The following AP3S1 variants were observed in gnomAD, a reference collection of about 807,000 sequenced individuals.
AP3S1 encodes AP-3 complex subunit sigma-1.
Under a neutral mutation model 21.3 loss-of-function variants are expected in AP3S1, and 12 were observed. That is an observed-to-expected ratio of 0.56 (90% CI 0.36 to 0.91). The LOEUF is 0.91. Ranked by LOEUF, AP3S1 falls within the 40% of genes least tolerant of loss-of-function variation. The probability of loss-of-function intolerance (pLI) is 0.01; values close to 1 mark genes in which losing one functional copy is unlikely to be tolerated. For missense variants in AP3S1, 116 were observed against 225.0 expected (o/e 0.52, Z 3.10); for synonymous variants, 48 against 78.4 (o/e 0.61, Z 2.05).
chr5:115,895,544 A>G (rs145078397), intron 4 of AP3S1, among the ~76,000 whole-genome samples: 311 of 152,330 alleles, frequency 2.0e-3, no homozygotes, highest in African/African-American at 6.9e-3. Context: ...ACAGAGATAT[A>G]AAATATAGGC....
intron 5 of AP3S1, among the ~76,000 whole-genome samples, chr5:115,911,864 G>A (rs1752138792): frequency 6.6e-6 from 1 of 151,868 alleles, no homozygotes; most frequent in Admixed American, 6.6e-5. Flanking sequence ...ATTTTTAGTT[G>A]TACATCAAAA....
chr5:115,879,104 C>G (rs759284791), intron 3 of AP3S1, among the ~76,000 whole-genome samples: 7 of 152,162 alleles, frequency 4.6e-5, no homozygotes, highest in Non-Finnish European at 7.4e-5. Context: ...TGGGCTGAGA[C>G]TATGGAGTTT....
At chr5:115,904,578 G>T (rs1751484853) in intron 5 of AP3S1, among the ~76,000 whole-genome samples, 1 of 152,064 alleles carries the variant, frequency 6.6e-6, no homozygotes, top group Non-Finnish European at 1.5e-5. Flanking sequence ...TATATGTTTT[G>T]TTTGTCCTAT....
intron 3 of AP3S1, among the ~76,000 whole-genome samples, chr5:115,892,995 A>C (rs758132796): frequency 1.3e-4 from 20 of 152,222 alleles, no homozygotes; most frequent in Non-Finnish European, 2.4e-4. Flanking sequence ...AATTAACTGT[A>C]TATATTAACT....
At chr5:115,862,066 C>G (rs1381282202) in intron 1 of AP3S1, among the ~76,000 whole-genome samples, 1 of 151,914 alleles carries the variant, frequency 6.6e-6, no homozygotes, top group African/African-American at 2.4e-5. Flanking sequence ...TTCCATTGTA[C>G]AATTCCATTC....
At chr5:115,883,720 A>G (rs1749514227) in intron 3 of AP3S1, among the ~76,000 whole-genome samples, 1 of 152,200 alleles carries the variant, frequency 6.6e-6, no homozygotes, top group African/African-American at 2.4e-5. Flanking sequence ...TATCAATCAT[A>G]CCATATTCAA....
chr5:115,853,090 A>T (rs969994861), intron 1 of AP3S1: 1 of 437,236 alleles, frequency 2.3e-6, no homozygotes, highest in Non-Finnish European at 4.6e-6. Flanking sequence ...CATTCCCACC[A>T]ACAATGTCTG....
intron 4 of AP3S1, among the ~76,000 whole-genome samples, chr5:115,899,235 CA>C (rs1751012627): frequency 6.6e-6 from 1 of 152,164 alleles, no homozygotes; most frequent in Non-Finnish European, 1.5e-5. Flanking sequence ...TCTTTAACCA[CA>C]GGCACAGAAC....
chr5:115,861,860 CTTTTCTTTTTTTT>C (rs1162473805), intron 1 of AP3S1, among the ~76,000 whole-genome samples: 3 of 120,124 alleles, frequency 2.5e-5, no homozygotes, highest in Non-Finnish European at 5.1e-5. Context: ...ATTTTCTTTT[CTTTTCTTTTTTTT>C]TTTTTTTTTT....
rs1752261333 is a variant in AP3S1 at position 115,913,446 on chromosome 5, G to T, written c.538G>T (p.Gly180Cys). 6.2e-7 allele frequency: 1 copy of T among 1,613,820 alleles called. No individual in the cohort carries two copies. Among genetic ancestry groups the T allele is most frequent in the Non-Finnish European group, 8.5e-7 (1 of 1,179,808 alleles). Residue 180 changes from glycine (G) to cysteine (C), a missense_variant, in exon 6 of 6, where the codon GGT becomes TGT. By Grantham distance (159) the Gly-to-Cys change is radical (BLOSUM62 -3). Coordinates refer to ENST00000316788, the MANE Select transcript of AP3S1 (RefSeq NM_001284.4). ...TGAGATCCCAAGAAATATTAACATT[G>T]GTGACATCAGTATAAAAGTGCCAAA... ...LPEIPRNINI[G>C]DISIKVPNLP...
At chr5:115,851,312 C>A (rs771747421) in intron 1 of AP3S1, among the ~76,000 whole-genome samples, 1 of 152,008 alleles carries the variant, frequency 6.6e-6, no homozygotes, top group Non-Finnish European at 1.5e-5. Flanking sequence ...TGTTTGAGTG[C>A]CTGCTTTTAC....
intron 3 of AP3S1, among the ~76,000 whole-genome samples, chr5:115,892,532 G>GT (rs1750399084): frequency 6.6e-6 from 1 of 152,182 alleles, no homozygotes; most frequent in Non-Finnish European, 1.5e-5. Context: ...AGATCTTTAT[G>GT]TTAAGTGAAA....
chr5:115,880,708 T>A (rs1749197588), intron 3 of AP3S1, among the ~76,000 whole-genome samples: 1 of 152,154 alleles, frequency 6.6e-6, no homozygotes, highest in African/African-American at 2.4e-5. Context: ...TGTAGATGTC[T>A]ATTAGGTCCA....
intron 1 of AP3S1, among the ~76,000 whole-genome samples, chr5:115,855,019 A>ATATCCATC (rs1762700214): frequency 1.4e-5 from 2 of 147,442 alleles, no homozygotes; most frequent in Non-Finnish European, 3.0e-5. Flanking sequence ...TATATATTTT[A>ATATCCATC]TATCTATCTA....
intron 3 of AP3S1, among the ~76,000 whole-genome samples, chr5:115,870,861 C>T (rs1314097550): frequency 1.3e-5 from 2 of 152,170 alleles, no homozygotes; most frequent in Admixed American, 6.6e-5. Context: ...TGGATGCTGG[C>T]AGAAGGCAGG....
At chr5:115,855,612 T>G (rs897419835) in intron 1 of AP3S1, among the ~76,000 whole-genome samples, 1 of 152,250 alleles carries the variant, frequency 6.6e-6, no homozygotes. Flanking sequence ...AGTGCTGGGA[T>G]TACAGGCTTG....
At position 115,884,289 on chromosome 5, in the gene AP3S1, T is replaced by G. The variant is rs532871103; in HGVS notation, c.274-10798T>G. ...GGTTACTCTTAAGTTATCTTAAGTA[T>G]TCTAATAGTGTAGGCAAATTTTCCT... is the stretch of plus-strand genomic sequence containing the variant. On this transcript the variant is annotated intron_variant, in intron 3 of 5. Coordinates refer to ENST00000316788, the MANE Select transcript of AP3S1 (RefSeq NM_001284.4). 7.2e-5 allele frequency among the ~76,000 whole-genome samples: 11 copies of G among 152,356 alleles called. No individual in the cohort carries two copies. In the South Asian group the frequency reaches 2.3e-3, roughly 32 times the overall value.
chr5:115,878,810 T>C (rs548750872), intron 3 of AP3S1, among the ~76,000 whole-genome samples: 1 of 152,354 alleles, frequency 6.6e-6, no homozygotes, highest in East Asian at 1.9e-4. Context: ...TTCACGATAC[T>C]GATTCTTCCT....
At chr5:115,904,606 T>C (rs1458145354) in intron 5 of AP3S1, among the ~76,000 whole-genome samples, 3 of 152,228 alleles carry the variant, frequency 2.0e-5, no homozygotes, top group African/African-American at 7.2e-5. Context: ...TTTTAAAATA[T>C]TGGCTTTTGA....
Sources: gnomAD v4.1 joint callset for allele counts (sites outside exome capture counted in the v4.1 genomes callset) on GRCh38, gnomAD v4.1.1 for gene constraint, MANE v1.5 for transcripts, NCBI Gene and HGNC (gene_info 2026-07-23, HGNC 2026-07-21) for gene names.